The following UPP1 variants were observed in gnomAD, a reference collection of about 807,000 sequenced individuals.
The protein encoded by UPP1 is UPase 1.
Under a neutral mutation model 29.6 loss-of-function variants are expected in UPP1, and 25 were observed. The observed-to-expected ratio is 0.85, with a 90% CI of 0.62 to 1.18. The LOEUF (loss-of-function observed/expected upper bound fraction) is 1.18. Among genes scored for constraint, UPP1 ranks in the 50% most tolerant of loss-of-function variants. The pLI, the probability that UPP1 is intolerant of heterozygous loss-of-function variation, is 0.00. For synonymous variants in UPP1, 165 were observed against 159.8 expected (o/e 1.03, Z -0.25); for missense variants, 368 against 410.4 (o/e 0.90, Z 0.89).
At chr7:48,090,836 C>T (rs1791789339) in intron 2 of UPP1, among the ~76,000 whole-genome samples, 1 of 152,190 alleles carries the variant, frequency 6.6e-6, no homozygotes, top group African/African-American at 2.4e-5. Flanking sequence ...CTCATCACCG[C>T]AGACCGTTTT....
chr7:48,093,226 C>G (rs1240817908), intron 2 of UPP1, among the ~76,000 whole-genome samples: 1 of 152,074 alleles, frequency 6.6e-6, no homozygotes, highest in Non-Finnish European at 1.5e-5. Context: ...TGTAGTTTTC[C>G]CTGGCATTCA....
At chr7:48,103,802 A>G (rs1792567477) in intron 6 of UPP1, 1 of 1,291,012 alleles carries the variant, frequency 7.7e-7, no homozygotes, top group Non-Finnish European at 1.0e-6. Context: ...GCACCTTAGG[A>G]GAAAAGACAC....
intron 2 of UPP1, among the ~76,000 whole-genome samples, chr7:48,091,876 T>C (rs1283790114): frequency 6.6e-6 from 1 of 152,204 alleles, no homozygotes; most frequent in African/African-American, 2.4e-5. Flanking sequence ...TGATGTGGCC[T>C]TGGTTTCTCT....
intron 1 of UPP1, 117 bp from the exon 2 acceptor site, chr7:48,090,071 A>G (rs909559566): frequency 1.3e-5 from 2 of 152,258 alleles, no homozygotes; most frequent in African/African-American, 2.4e-5. Context: ...TCATCGAGTT[A>G]TCTGGCAGCT....
intron 2 of UPP1, among the ~76,000 whole-genome samples, chr7:48,091,136 CCT>C (rs144403815): frequency 1.3e-5 from 2 of 152,058 alleles, no homozygotes; most frequent in East Asian, 1.9e-4. Context: ...TCTTCCTTCT[CCT>C]CTCTCTCTCA....
chr7:48,090,549 C>T (rs1240165320), intron 2 of UPP1, among the ~76,000 whole-genome samples, 185 bp downstream of exon 2: 14 of 152,220 alleles, frequency 9.2e-5, no homozygotes, highest in Admixed American at 9.2e-4. Context: ...TTTCTGCCTT[C>T]CTGGGGTCTT....
intron 2 of UPP1, among the ~76,000 whole-genome samples, chr7:48,092,817 C>T (rs939457074): frequency 1.3e-5 from 2 of 151,936 alleles, no homozygotes; most frequent in Admixed American, 1.3e-4. Flanking sequence ...ATTCTCCTGC[C>T]TCAGCCTCCC....
rs781346477 is a variant in UPP1, at chr7:48,099,676, C to T, written c.51C>T (p.Cys17=). ...CTTTCTTGTTTTTTAACAGTGATTGCCCCGTCAGACTTTTAAATCCAAACA... is the reference window on the plus strand; with the variant it reads ...CTTTCTTGTTTTTTAACAGTGATTGTCCCGTCAGACTTTTAAATCCAAACA... ...NAEKAESHND[C]PVRLLNPNIA... The change falls in exon 4 of 9, where the codon TGC becomes TGT. Residue 17 remains cysteine, a synonymous_variant. Coordinates refer to ENST00000395564, the MANE Select transcript of UPP1 (RefSeq NM_003364.4). 2.5e-6 allele frequency: 4 copies of T among 1,608,502 alleles called. No individual in the cohort carries two copies. The highest frequency in any genetic ancestry group is 1.1e-5 in the South Asian group (1 of 90,946).
At chr7:48,102,322 G>A (rs555646050) in intron 5 of UPP1, among the ~76,000 whole-genome samples, 87 of 152,276 alleles carry the variant, frequency 5.7e-4, no homozygotes, top group African/African-American at 1.8e-3. Context: ...GAGCCTCAAA[G>A]TACCAGGCCT....
chr7:48,098,964 T>C (rs1312932682), intron 3 of UPP1, among the ~76,000 whole-genome samples: 2 of 152,220 alleles, frequency 1.3e-5, no homozygotes, highest in African/African-American at 2.4e-5. Context: ...GTGTGCTATC[T>C]GTAGTTGCTT....
At chr7:48,107,213 G>T (rs1179551350) in intron 7 of UPP1, 131 bp downstream of exon 7, 2 of 1,410,228 alleles carry the variant, frequency 1.4e-6, no homozygotes, top group Non-Finnish European at 9.8e-7. Context: ...CGCCCAGAGT[G>T]GTTATAATGA....
intron 8 of UPP1, 36 bp downstream of exon 8, chr7:48,107,543 T>C (rs745695017): frequency 9.6e-6 from 15 of 1,568,464 alleles, no homozygotes; most frequent in Non-Finnish European, 1.3e-5. Flanking sequence ...CGTCCCCTCC[T>C]CCCTTCACTT....
intron 3 of UPP1, among the ~76,000 whole-genome samples, chr7:48,095,459 C>T (rs1193215282): frequency 6.6e-6 from 1 of 152,086 alleles, no homozygotes; most frequent in Non-Finnish European, 1.5e-5. Flanking sequence ...ACCTCTGGCC[C>T]CCCTTGCTCT....
At chr7:48,089,039 C>T (rs1791661328), upstream of UPP1, 1 of 152,294 alleles carries the variant, frequency 6.6e-6, no homozygotes, top group Non-Finnish European at 1.5e-5. Flanking sequence ...GGCTGAGCCT[C>T]CCGGGACCTT....
chr7:48,096,738 T>A (rs992359115), intron 3 of UPP1, among the ~76,000 whole-genome samples: 6 of 152,222 alleles, frequency 3.9e-5, no homozygotes, highest in African/African-American at 1.4e-4. Context: ...TTCGCCCTTT[T>A]ACCTAGGCTG....
intron 6 of UPP1, among the ~76,000 whole-genome samples, chr7:48,104,493 C>T (rs949171733): frequency 2.6e-5 from 4 of 152,090 alleles, no homozygotes; most frequent in African/African-American, 4.8e-5. Flanking sequence ...TGAGCTTTGC[C>T]GCTGCTGGCC....
chr7:48,092,484 A>G (rs184990557), intron 2 of UPP1, among the ~76,000 whole-genome samples: 197 of 151,892 alleles, frequency 1.3e-3, no homozygotes, highest in Middle Eastern at 6.8e-3. Context: ...TCATCCCTAC[A>G]CTGTCCTTCA....
chr7:48,103,971 G>A (rs1792583309), intron 6 of UPP1: 2 of 1,187,934 alleles, frequency 1.7e-6, no homozygotes, highest in Non-Finnish European at 2.2e-6. Context: ...TGTAATCCCA[G>A]CACATTGGGA....
At chr7:48,104,007 C>G (rs1053225522) in intron 6 of UPP1, 3 of 864,678 alleles carry the variant, frequency 3.5e-6, no homozygotes, top group Admixed American at 7.1e-5. Flanking sequence ...ATCACAAGAT[C>G]GGGAGATCGA....
Sources: gnomAD v4.1 joint callset for allele counts (sites outside exome capture counted in the v4.1 genomes callset) on GRCh38, gnomAD v4.1.1 for gene constraint, MANE v1.5 for transcripts, NCBI Gene and HGNC (gene_info 2026-07-23, HGNC 2026-07-21) for gene names.